The following CLIC5 variants were observed in gnomAD, a reference collection of about 807,000 sequenced individuals.
CLIC5 encodes CLIC family member 5.
A neutral mutation model predicts 24.7 loss-of-function variants in CLIC5; 20 were observed. The observed-to-expected ratio is 0.81, with a 90% CI of 0.57 to 1.18. The LOEUF is 1.18. Among genes scored for constraint, CLIC5 ranks in the 50% most tolerant of loss-of-function variants. The pLI, the probability that CLIC5 is intolerant of heterozygous loss-of-function variation, is 0.00. For missense variants in CLIC5, 341 were observed against 326.1 expected, an observed-to-expected ratio of 1.05 and a Z score of -0.35; for synonymous variants, 159 against 135.6, an observed-to-expected ratio of 1.17 and a Z score of -1.20.
At chr6:45,949,033 T>C (rs940955019) in intron 3 of CLIC5, among the ~76,000 whole-genome samples, 3 of 152,110 alleles carry the variant, frequency 2.0e-5, no homozygotes, top group African/African-American at 7.2e-5. Context: ...AGTGACTGGC[T>C]CTTGTTCATA....
chr6:45,960,277 A>G (rs1007438278), intron 1 of CLIC5, among the ~76,000 whole-genome samples: 2 of 152,218 alleles, frequency 1.3e-5, no homozygotes, highest in Admixed American at 6.5e-5. Context: ...GGATCCAAGA[A>G]GGAATTATAG....
intron 4 of CLIC5, among the ~76,000 whole-genome samples, chr6:45,920,889 G>T (rs1219945352): frequency 6.6e-5 from 10 of 152,108 alleles, no homozygotes; most frequent in African/African-American, 2.4e-5. Context: ...TATTCTAAGG[G>T]GATTTTGAGG....
chr6:45,933,801 A>T (rs1173364589), intron 4 of CLIC5, among the ~76,000 whole-genome samples: 1 of 152,174 alleles, frequency 6.6e-6, no homozygotes, highest in Admixed American at 6.5e-5. Context: ...GGCTGCAGGG[A>T]GGTCTCCTGA....
At chr6:46,048,317 G>A (rs1222584647) in intron 1 of CLIC5, among the ~76,000 whole-genome samples, 1 of 152,068 alleles carries the variant, frequency 6.6e-6, no homozygotes, top group Non-Finnish European at 1.5e-5. Flanking sequence ...ATTATATTTT[G>A]TAGTTGGAAT....
intron 1 of CLIC5, among the ~76,000 whole-genome samples, chr6:45,970,273 T>C (rs868555124): frequency 2.6e-4 from 39 of 151,038 alleles, no homozygotes; most frequent in African/African-American, 9.0e-4. Context: ...TCTTCTGCTT[T>C]AGAAGGGAGC....
chr6:46,047,160 T>A (rs1485538746), intron 1 of CLIC5, among the ~76,000 whole-genome samples: 1 of 152,202 alleles, frequency 6.6e-6, no homozygotes, highest in South Asian at 2.1e-4. Flanking sequence ...CCTCAGATGG[T>A]ATTAGAGTTG....
In CLIC5 at chr6:45,903,229, A is replaced by G. The variant is rs1485629302; in HGVS notation, c.615T>C (p.Tyr205=). 6.2e-7 allele frequency: 1 copy of G among 1,604,238 alleles called. No individual in the cohort carries two copies. The highest frequency in any genetic ancestry group is 2.2e-5 in the East Asian group (1 of 44,680). Residue 205 remains tyrosine, a synonymous_variant, in exon 6 of 6, where the codon TAT becomes TAC. Coordinates refer to ENST00000339561, the MANE Select transcript of CLIC5 (RefSeq NM_016929.5). ...VKIVAKKYRN[Y]DIPAEMTGLW... Reference sequence around the variant, plus strand: ...GGCCTGTCATCTCAGCCGGGATATCATAGTTGCGGTATTTCTTGGCCACAA... The same window carrying G: ...GGCCTGTCATCTCAGCCGGGATATCGTAGTTGCGGTATTTCTTGGCCACAA...
intron 4 of CLIC5, among the ~76,000 whole-genome samples, chr6:45,926,022 G>C (rs920904496): frequency 6.6e-6 from 1 of 152,026 alleles, no homozygotes; most frequent in South Asian, 2.1e-4. Context: ...AATGGAAACA[G>C]AACATGGATA....
At chr6:46,059,593 A>AT (rs1483882382) in intron 1 of CLIC5, among the ~76,000 whole-genome samples, 1 of 152,174 alleles carries the variant, frequency 6.6e-6, no homozygotes, top group African/African-American at 2.4e-5. Flanking sequence ...CATGCCAGGT[A>AT]TTGTGTTGGA....
At chr6:46,011,062 C>A (rs1030681547) in intron 1 of CLIC5, among the ~76,000 whole-genome samples, 2 of 152,204 alleles carry the variant, frequency 1.3e-5, no homozygotes, top group African/African-American at 4.8e-5. Context: ...CACTCAGAAA[C>A]TTTTGGGCCA....
the CLIC5 span, among the ~76,000 whole-genome samples, chr6:46,119,960 G>A: frequency 2.0e-5 from 3 of 152,238 alleles, no homozygotes; most frequent in Non-Finnish European, 2.9e-5. Context: ...GGAGCCCACC[G>A]CAGCTCAAGG....
intron 6 of CLIC5, among the ~76,000 whole-genome samples, chr6:45,883,235 G>C (rs1030528290): frequency 2.0e-5 from 3 of 152,196 alleles, no homozygotes; most frequent in African/African-American, 4.8e-5. Flanking sequence ...CCTTTTATCA[G>C]AGATTCCCAC....
At chr6:46,090,054 T>A in the CLIC5 span, among the ~76,000 whole-genome samples, 5 of 152,202 alleles carry the variant, frequency 3.3e-5, no homozygotes, top group Admixed American at 2.6e-4. Context: ...CTTCTAGCAC[T>A]AAAATTTGCT....
At chr6:46,055,657 G>A (rs1344917341) in intron 1 of CLIC5, among the ~76,000 whole-genome samples, 1 of 152,208 alleles carries the variant, frequency 6.6e-6, no homozygotes, top group African/African-American at 2.4e-5. Context: ...TCCCCCTCAT[G>A]TCTCCCATAA....
At chr6:45,919,788 T>C (rs1417434574) in intron 4 of CLIC5, among the ~76,000 whole-genome samples, 1 of 152,212 alleles carries the variant, frequency 6.6e-6, no homozygotes, top group Non-Finnish European at 1.5e-5. Flanking sequence ...AATATTGAAT[T>C]CTTTTTTCTG....
chr6:46,071,916 G>A (rs571449698), intron 1 of CLIC5, among the ~76,000 whole-genome samples: 1 of 152,028 alleles, frequency 6.6e-6, no homozygotes, highest in African/African-American at 2.4e-5. Flanking sequence ...ATAAAAGAAC[G>A]AGATCATGTT....
At chr6:45,926,777 T>TCG (rs1212126044) in intron 4 of CLIC5, among the ~76,000 whole-genome samples, 1 of 152,214 alleles carries the variant, frequency 6.6e-6, no homozygotes. Flanking sequence ...AAATCCCACT[T>TCG]CAGCGAAGCC....
At chr6:46,083,939 C>A (rs540612823), upstream of CLIC5, among the ~76,000 whole-genome samples, 274 of 152,194 alleles carry the variant, frequency 1.8e-3, no homozygotes, top group Non-Finnish European at 3.3e-3. Context: ...TCAGGGCTTG[C>A]TTTATGAATC....
intron 1 of CLIC5, among the ~76,000 whole-genome samples, chr6:46,012,604 A>G (rs917159702): frequency 2.0e-5 from 3 of 152,256 alleles, no homozygotes; most frequent in African/African-American, 7.2e-5. Flanking sequence ...ATAAGGTATC[A>G]GGCCTGACAT....
Sources: allele counts gnomAD v4.1 joint callset (sites outside exome capture counted in the v4.1 genomes callset), GRCh38; gene constraint gnomAD v4.1.1; transcripts MANE v1.5; gene names NCBI Gene and HGNC (gene_info 2026-07-23, HGNC 2026-07-21).